Variants in ZFHX3 observed in about 807,000 individuals in gnomAD.
ZFHX3 encodes zinc finger homeobox 3, also known as zinc finger homeobox protein 3.
A neutral mutation model predicts 279.1 loss-of-function variants in ZFHX3; 42 were observed. The ratio of observed to expected loss-of-function variants is 0.15; its 90% confidence interval spans 0.12 to 0.19. The LOEUF (loss-of-function observed/expected upper bound fraction) is 0.19. Among genes scored for constraint, ZFHX3 ranks in the 10% least tolerant of loss-of-function variants. The pLI is 1.00. For synonymous variants in ZFHX3, 2,293 were observed against 1,957.8 expected (o/e 1.17, Z -4.52); for missense variants, 4,981 against 4,754.0 (o/e 1.05, Z -1.40).
At chr16:73,738,264 G>C (rs986057578) in intron 1 of ZFHX3, among the ~76,000 whole-genome samples, 2 of 152,190 alleles carry the variant, frequency 1.3e-5, no homozygotes, top group Non-Finnish European at 2.9e-5. Context: ...CCTTGCAGCA[G>C]GCTCTCTAGC....
chr16:73,462,192 G>A (rs1171440416), intron 2 of ZFHX3, among the ~76,000 whole-genome samples: 1 of 152,086 alleles, frequency 6.6e-6, no homozygotes, highest in African/African-American at 2.4e-5. Flanking sequence ...TTGCTTTTGT[G>A]TAAGTTTATC....
At chr16:73,726,208 T>C (rs759156195) in intron 1 of ZFHX3, among the ~76,000 whole-genome samples, 5 of 152,074 alleles carry the variant, frequency 3.3e-5, no homozygotes, top group Middle Eastern at 3.2e-3. Context: ...CTCACATAAG[T>C]GTGTAGTTCC....
At chr16:73,583,788 C>T (rs1340034922) in intron 2 of ZFHX3, among the ~76,000 whole-genome samples, 1 of 151,994 alleles carries the variant, frequency 6.6e-6, no homozygotes, top group Admixed American at 6.6e-5. Flanking sequence ...AGAGAATCGG[C>T]AAAACCCAAT....
intron 3 of ZFHX3, among the ~76,000 whole-genome samples, chr16:72,945,565 A>C (rs76463495): frequency 0.025 from 3,815 of 152,292 alleles, 92 homozygotes; most frequent in East Asian, 0.09. Flanking sequence ...CTGGCCTTGC[A>C]CACCTTCTAA....
At chr16:73,233,453 G>C (rs1196549477) in intron 5 of ZFHX3, among the ~76,000 whole-genome samples, 1 of 152,196 alleles carries the variant, frequency 6.6e-6, no homozygotes, top group East Asian at 1.9e-4. Context: ...CCTTCTGATA[G>C]CAGGAGCTGC....
At chr16:73,574,995 C>G (rs2051784832) in intron 2 of ZFHX3, among the ~76,000 whole-genome samples, 1 of 152,200 alleles carries the variant, frequency 6.6e-6, no homozygotes, top group South Asian at 2.1e-4. Context: ...CAAGCTACCA[C>G]TTTGCACTTA....
intron 1 of ZFHX3, among the ~76,000 whole-genome samples, chr16:73,025,859 C>G (rs1964478259): frequency 6.6e-6 from 1 of 152,178 alleles, no homozygotes; most frequent in African/African-American, 2.4e-5. Flanking sequence ...TGTTCCCTTG[C>G]AAAGCGAAAG....
chr16:73,732,431 G>A (rs979289962), intron 1 of ZFHX3, among the ~76,000 whole-genome samples: 2 of 152,162 alleles, frequency 1.3e-5, no homozygotes, highest in South Asian at 4.1e-4. Flanking sequence ...CTTTGAGTAG[G>A]GTGGCCATAT....
intron 1 of ZFHX3, among the ~76,000 whole-genome samples, chr16:73,033,298 T>C (rs905031364): frequency 2.2e-4 from 34 of 152,140 alleles, no homozygotes; most frequent in Non-Finnish European, 3.4e-4. Context: ...AAATGCCCAG[T>C]GTCTGACTGA....
intron 2 of ZFHX3, among the ~76,000 whole-genome samples, chr16:72,957,198 C>T (rs73592725): frequency 0.074 from 11,237 of 152,256 alleles, 777 homozygotes; most frequent in African/African-American, 0.17. Context: ...CCTGGCCCCA[C>T]GTAGCCAGAG....
chr16:73,441,548 T>C (rs1328533817), intron 3 of ZFHX3, among the ~76,000 whole-genome samples: 1 of 151,912 alleles, frequency 6.6e-6, no homozygotes, highest in African/African-American at 2.4e-5. Flanking sequence ...GCTTCCAATT[T>C]AGTTGGGGTA....
chr16:73,270,441 A>G (rs2014109105), intron 4 of ZFHX3, among the ~76,000 whole-genome samples: 1 of 152,132 alleles, frequency 6.6e-6, no homozygotes, highest in African/African-American at 2.4e-5. Flanking sequence ...TTCCATGCTG[A>G]GCTCATCTCA....
intron 5 of ZFHX3, chr16:73,143,973 T>C (rs1402528220): frequency 8.1e-6 from 3 of 369,026 alleles, no homozygotes; most frequent in Admixed American, 7.6e-5. Context: ...TGAGGGTTTA[T>C]TCAAGTCACC....
At chr16:73,412,758 G>A (rs1004424602) in intron 3 of ZFHX3, among the ~76,000 whole-genome samples, 10 of 152,198 alleles carry the variant, frequency 6.6e-5, no homozygotes, top group Non-Finnish European at 1.3e-4. Flanking sequence ...TTTCACCCAG[G>A]TTCCGAACAA....
At chr16:73,455,613 T>C (rs1038875953) in intron 3 of ZFHX3, among the ~76,000 whole-genome samples, 1 of 152,204 alleles carries the variant, frequency 6.6e-6, no homozygotes, top group Non-Finnish European at 1.5e-5. Context: ...AAAGGACTTA[T>C]TAGAATTTCA....
intron 1 of ZFHX3, among the ~76,000 whole-genome samples, chr16:73,003,692 C>T (rs7203318): frequency 0.21 from 32,507 of 151,828 alleles, 4,079 homozygotes; most frequent in East Asian, 0.58. Context: ...GACGAAACAG[C>T]GAGACTCCAT....
chr16:73,471,666 T>C (rs1247666016), intron 2 of ZFHX3, among the ~76,000 whole-genome samples: 1 of 152,194 alleles, frequency 6.6e-6, no homozygotes, highest in Non-Finnish European at 1.5e-5. Context: ...AAAGGAGGGC[T>C]CAGGGGACCC....
intron 2 of ZFHX3, among the ~76,000 whole-genome samples, chr16:73,529,741 C>T (rs1457423904): frequency 6.6e-6 from 1 of 152,202 alleles, no homozygotes; most frequent in South Asian, 2.1e-4. Context: ...ATGACGTTCA[C>T]CCTCCAAATT....
chr16:73,699,375 A>T (rs1181596812), intron 1 of ZFHX3, among the ~76,000 whole-genome samples: 2 of 152,212 alleles, frequency 1.3e-5, no homozygotes, highest in Admixed American at 6.5e-5. Context: ...ATATTTCCCA[A>T]AAATAAAAGA....
Sources: allele counts gnomAD v4.1 joint callset (sites outside exome capture counted in the v4.1 genomes callset), GRCh38; gene constraint gnomAD v4.1.1; transcripts MANE v1.5; gene names NCBI Gene and HGNC (gene_info 2026-07-23, HGNC 2026-07-21).